The following OR4N2 variants were observed in gnomAD, a reference collection of about 807,000 sequenced individuals.
The protein encoded by OR4N2 is olfactory receptor 4N2.
For synonymous variants in OR4N2, 141 were observed against 140.4 expected, an observed-to-expected ratio of 1.00 and a Z score of -0.03; for missense variants, 307 against 377.6, an observed-to-expected ratio of 0.81 and a Z score of 1.55.
intron 1 of OR4N2, among the ~76,000 whole-genome samples, chr14:19,825,569 ATTTT>A (rs1474735949): frequency 6.8e-6 from 1 of 146,828 alleles, no homozygotes; most frequent in Non-Finnish European, 1.5e-5. Context: ...TTATTTATTT[ATTTT>A]GAGACGGAGT....
intron 1 of OR4N2, among the ~76,000 whole-genome samples, chr14:19,804,920 T>G (rs1440533173): frequency 6.6e-6 from 1 of 152,242 alleles, no homozygotes; most frequent in Non-Finnish European, 1.5e-5. Context: ...TTCTTCTTGT[T>G]GAGTTTAACC....
At chr14:19,806,912 A>G (rs889958683) in intron 1 of OR4N2, among the ~76,000 whole-genome samples, 6 of 152,174 alleles carry the variant, frequency 3.9e-5, no homozygotes, top group African/African-American at 7.2e-5. Context: ...AAGATCTCTC[A>G]AAAGTACACA....
intron 1 of OR4N2, among the ~76,000 whole-genome samples, chr14:19,806,156 C>T (rs1879159507): frequency 6.6e-6 from 1 of 152,072 alleles, no homozygotes; most frequent in African/African-American, 2.4e-5. Context: ...CACTATGAAG[C>T]ACTACACAGT....
At chr14:19,823,528 C>T (rs1879617462) in intron 1 of OR4N2, among the ~76,000 whole-genome samples, 1 of 152,170 alleles carries the variant, frequency 6.6e-6, no homozygotes, top group African/African-American at 2.4e-5. Flanking sequence ...AAGAAAATGA[C>T]AATAAGATTT....
chr14:19,826,103 G>A (rs572086571), intron 1 of OR4N2, among the ~76,000 whole-genome samples: 98 of 152,274 alleles, frequency 6.4e-4, no homozygotes, highest in African/African-American at 2.1e-3. Context: ...ACAACGAAAT[G>A]TAGTGATACA....
intron 1 of OR4N2, among the ~76,000 whole-genome samples, chr14:19,806,542 C>T (rs543612612): frequency 1.3e-5 from 2 of 152,306 alleles, no homozygotes; most frequent in East Asian, 3.9e-4. Flanking sequence ...TGTATATACA[C>T]TGAACATTGG....
At position 19,829,228 on chromosome 14, in the gene OR4N2, T is replaced by C. The variant is rs1879805502; in HGVS notation, c.*856T>C. The C allele has an allele frequency of 6.6e-6, 1 of 152,258 alleles. No individual in the cohort carries two copies. Among genetic ancestry groups the C allele is most frequent in the Admixed American group, 6.5e-5 (1 of 15,292 alleles). 9.4% of individuals were successfully genotyped at this position (152,258 alleles called of 1,614,324 possible). The stretch of plus-strand genomic sequence containing the variant: ...AAAAGATCACAAAAACATTTTACTT[T>C]TTTTTTCTAGAGCTTCATGATTACT... On this transcript the variant is annotated 3_prime_UTR_variant, in exon 2 of 2. Coordinates refer to ENST00000557677, the MANE Select transcript of OR4N2 (RefSeq NM_001004723.3).
At chr14:19,819,799 G>T (rs564839308) in intron 1 of OR4N2, among the ~76,000 whole-genome samples, 126 of 152,296 alleles carry the variant, frequency 8.3e-4, no homozygotes, top group Middle Eastern at 3.4e-3. Context: ...TTTTGCTCTG[G>T]TTTTTCCTCA....
At chr14:19,819,241 G>A (rs1223615940) in intron 1 of OR4N2, among the ~76,000 whole-genome samples, 2 of 152,232 alleles carry the variant, frequency 1.3e-5, no homozygotes, top group Non-Finnish European at 2.9e-5. Flanking sequence ...TGTCTTGCTA[G>A]GTTGGGGAAG....
rs1215200714 is a variant in OR4N2 at position 19,829,509 on chromosome 14, A to G, written c.*1137A>G. The G allele has an allele frequency of 1.1e-4, 16 of 152,238 alleles. No homozygotes were observed. The highest frequency in any genetic ancestry group is 3.9e-4 in the African/African-American group (16 of 41,446). The allele number at this position is 152,238 out of a possible 1,614,324, so 9.4% of individuals were successfully genotyped here. A position where few individuals can be genotyped will look rare whatever the true frequency, so the allele number is the denominator to read the frequency against. On this transcript the variant is annotated 3_prime_UTR_variant, in exon 2 of 2. Coordinates refer to ENST00000557677, the MANE Select transcript of OR4N2 (RefSeq NM_001004723.3). ...CCTTACAGACTAACACAGGTGACCAATGTTGTCAGGGAAGTTGTTCTTGCT... is the reference window on the plus strand; with the variant it reads ...CCTTACAGACTAACACAGGTGACCAGTGTTGTCAGGGAAGTTGTTCTTGCT...
intron 1 of OR4N2, among the ~76,000 whole-genome samples, chr14:19,817,999 G>T (rs1342830250): frequency 6.6e-6 from 1 of 152,262 alleles, no homozygotes; most frequent in African/African-American, 2.4e-5. Flanking sequence ...GTGCGATTTT[G>T]AGTGAGTTTC....
At chr14:19,821,196 C>G (rs564175170) in intron 1 of OR4N2, among the ~76,000 whole-genome samples, 1 of 152,250 alleles carries the variant, frequency 6.6e-6, no homozygotes, top group Non-Finnish European at 1.5e-5. Context: ...TTCCCTGAAC[C>G]CTTCCACTTC....
In OR4N2 at chr14:19,822,383, A is replaced by G. The variant is rs183153125; in HGVS notation, c.-9-5057A>G. 2.0e-5 allele frequency: 3 copies of G among 152,406 alleles called. No individual in the cohort carries two copies. The East Asian group carries it at 5.8e-4, about 29-fold the overall frequency. 9.4% of individuals were successfully genotyped at this position (152,406 alleles called of 1,614,324 possible). A position where few individuals can be genotyped will look rare whatever the true frequency, so the allele number is the denominator to read the frequency against. ...AAATGGTAGGCTAAAAGCTCCAGAG[A>G]AAAACTTAACAGATTTTATGATTTT... On this transcript the variant is annotated intron_variant, in intron 1 of 1. Transcript: ENST00000557677.
chr14:19,824,060 A>G (rs1879632096), intron 1 of OR4N2, among the ~76,000 whole-genome samples: 1 of 152,232 alleles, frequency 6.6e-6, no homozygotes, highest in African/African-American at 2.4e-5. Flanking sequence ...TGATCAATGC[A>G]CGAATTAGCT....
chr14:19,819,567 A>G (rs1243380304), intron 1 of OR4N2, among the ~76,000 whole-genome samples: 1 of 152,206 alleles, frequency 6.6e-6, no homozygotes, highest in Admixed American at 6.5e-5. Context: ...TAAAGTGGTT[A>G]TTCTAGTTAT....
chr14:19,822,723 T>C (rs1879597943), intron 1 of OR4N2, among the ~76,000 whole-genome samples: 1 of 152,260 alleles, frequency 6.6e-6, no homozygotes, highest in African/African-American at 2.4e-5. Flanking sequence ...CTAAATATTT[T>C]CAGGATTAAC....
At chr14:19,818,700 A>T (rs1879488253) in intron 1 of OR4N2, among the ~76,000 whole-genome samples, 1 of 152,188 alleles carries the variant, frequency 6.6e-6, no homozygotes, top group Admixed American at 6.5e-5. Context: ...TAACATTGTT[A>T]TGTGTGAATT....
chr14:19,819,822 T>C (rs1224041637), intron 1 of OR4N2, among the ~76,000 whole-genome samples: 1 of 152,292 alleles, frequency 6.6e-6, no homozygotes, highest in African/African-American at 2.4e-5. Flanking sequence ...TTTATGGACC[T>C]ATCTAACTTT....
intron 1 of OR4N2, among the ~76,000 whole-genome samples, chr14:19,813,201 G>A (rs1879344481): frequency 1.3e-5 from 2 of 152,252 alleles, no homozygotes; most frequent in Admixed American, 6.5e-5. Flanking sequence ...AGATGGGGTT[G>A]TTATTCCACT....
Sources: allele counts gnomAD v4.1 joint callset (sites outside exome capture counted in the v4.1 genomes callset), GRCh38; gene constraint gnomAD v4.1.1; transcripts MANE v1.5; gene names NCBI Gene and HGNC (gene_info 2026-07-23, HGNC 2026-07-21).